The following CEP83 variants were observed in gnomAD, a reference collection of about 807,000 sequenced individuals.
CEP83 encodes centrosomal protein 83, also known as centrosomal protein of 83 kDa.
Under a neutral mutation model 101.9 loss-of-function variants are expected in CEP83, and 70 were observed. That is an observed-to-expected ratio of 0.69 (90% CI 0.57 to 0.84). The LOEUF (loss-of-function observed/expected upper bound fraction) is 0.84, where lower values mean the gene tolerates loss of function less well. Among genes scored for constraint, CEP83 ranks in the 40% least tolerant of loss-of-function variants. CEP83 has a pLI of 0.00. For synonymous variants in CEP83, 264 were observed against 267.9 expected (o/e 0.99, Z 0.14); for missense variants, 715 against 787.2 (o/e 0.91, Z 1.10).
chr12:94,316,487 G>GGTTTGTTTTATAGGTAAACTCATGTGCAA (rs1970713574), intron 14 of CEP83, among the ~76,000 whole-genome samples: 4 of 152,028 alleles, frequency 2.6e-5, no homozygotes, highest in Admixed American at 1.3e-4. Flanking sequence ...TACATGTGCA[G>GGTTTGTTTTATAGGTAAACTCATGTGCAA]GTTTGTTTTA....
intron 14 of CEP83, among the ~76,000 whole-genome samples, chr12:94,316,966 T>C (rs573017197): frequency 2.0e-5 from 3 of 152,244 alleles, no homozygotes; most frequent in South Asian, 2.1e-4. Flanking sequence ...GGTCCAATGG[T>C]AGTTGTTTCT....
At position 94,400,957 on chromosome 12, in the gene CEP83, A is replaced by G; in HGVS notation, c.442T>C (p.Tyr148His). The G allele has an allele frequency of 1.4e-6, 2 of 1,429,564 alleles. No homozygotes were observed. The highest frequency in any genetic ancestry group is 1.8e-6 in the Non-Finnish European group (2 of 1,085,942). The allele number at this position is 1,429,564 out of a possible 1,614,324, so 88.6% of individuals were successfully genotyped here. A position where few individuals can be genotyped will look rare whatever the true frequency, so the allele number is the denominator to read the frequency against. The part of the protein sequence containing the change: ...DEEVEKYRAV[Y>H]NKLRYEHTFL... ...GTATGTTCATAGCGAAGCTTATTAT[A>G]TACAGCTCTATACTTTTCTACCTCC... Residue 148 changes from tyrosine to histidine, a missense_variant, in exon 6 of 17, where the codon TAT becomes CAT. Tyr to His is a moderately conservative substitution (Grantham distance 83, BLOSUM62 2). Transcript: ENST00000397809.
At chr12:94,268,681 G>A in the CEP83 span, among the ~76,000 whole-genome samples, 2 of 137,100 alleles carry the variant, frequency 1.5e-5, no homozygotes, top group African/African-American at 5.5e-5. Flanking sequence ...TGCAACCTCC[G>A]CCTCTGGGGT....
At chr12:94,424,451 G>T in intron 2 of CEP83, 1 of 1,614,028 alleles carries the variant, frequency 6.2e-7, no homozygotes, top group East Asian at 2.2e-5. Flanking sequence ...ACCTCTGCTG[G>T]TCCCACTGGT....
At chr12:94,320,123 T>C (rs1593127163) in intron 14 of CEP83, among the ~76,000 whole-genome samples, 1 of 152,228 alleles carries the variant, frequency 6.6e-6, no homozygotes, top group Admixed American at 6.5e-5. Flanking sequence ...TTTTTGATTT[T>C]TGTTGGTTTA....
At chr12:94,306,290 AAT>A (rs1039121574), downstream of CEP83, 86 of 152,058 alleles carry the variant, frequency 5.7e-4, no homozygotes, top group African/African-American at 1.9e-3. Context: ...ATTATATATA[AAT>A]ATATATATTT....
At chr12:94,455,319 A>G (rs2067585158) in intron 1 of CEP83, among the ~76,000 whole-genome samples, 1 of 152,222 alleles carries the variant, frequency 6.6e-6, no homozygotes, top group Non-Finnish European at 1.5e-5. Context: ...GAGATAGGCA[A>G]TGCAACTTCA....
At chr12:94,365,342 T>C (rs2060968963) in intron 11 of CEP83, among the ~76,000 whole-genome samples, 1 of 152,202 alleles carries the variant, frequency 6.6e-6, no homozygotes, top group Non-Finnish European at 1.5e-5. Context: ...GGATGGAAAT[T>C]TGGCAATATC....
chr12:94,305,499 G>A (rs1968913413), downstream of CEP83: 1 of 469,624 alleles, frequency 2.1e-6, no homozygotes, highest in Non-Finnish European at 3.8e-6. Flanking sequence ...TCTGTAAATA[G>A]AGTTGAAGTG....
intron 1 of CEP83, among the ~76,000 whole-genome samples, chr12:94,440,030 A>C (rs73218275): frequency 2.0e-5 from 3 of 152,166 alleles, no homozygotes; most frequent in Non-Finnish European, 4.4e-5. Flanking sequence ...TAGAAGGGAC[A>C]TACCTTAAGA....
chr12:94,423,124 G>A (rs978015259), intron 2 of CEP83, among the ~76,000 whole-genome samples: 1 of 151,076 alleles, frequency 6.6e-6, no homozygotes, highest in African/African-American at 2.4e-5. Context: ...CACTCTTGTT[G>A]CCCAGGCTGG....
intron 4 of CEP83, among the ~76,000 whole-genome samples, chr12:94,408,754 T>C (rs1455311139): frequency 6.6e-6 from 1 of 152,014 alleles, no homozygotes; most frequent in East Asian, 1.9e-4. Flanking sequence ...TAACTTATTT[T>C]ACTTTACTTT....
At chr12:94,345,679 C>T (rs2059903367) in intron 11 of CEP83, among the ~76,000 whole-genome samples, 2 of 152,142 alleles carry the variant, frequency 1.3e-5, no homozygotes, top group African/African-American at 4.8e-5. Flanking sequence ...GTCATAAGAC[C>T]CGCATTTCTG....
intron 1 of CEP83, among the ~76,000 whole-genome samples, chr12:94,453,303 T>C (rs529921778): frequency 1.2e-4 from 19 of 152,318 alleles, no homozygotes; most frequent in African/African-American, 3.6e-4. Context: ...ACTTCAAGAA[T>C]TGTTTTCCTA....
the CEP83 span, chr12:94,294,624 C>G: frequency 1.5e-6 from 1 of 650,596 alleles, no homozygotes; most frequent in Non-Finnish European, 2.8e-6. Context: ...TGTATTGTCA[C>G]AAAGGTGAGA....
Position 94,320,164 on chromosome 12 carries a change from C to T in CEP83, c.1708-7147G>A, listed in dbSNP as rs182715329. On this transcript the variant is annotated intron_variant, in intron 14 of 16. Coordinates refer to ENST00000397809, the MANE Select transcript of CEP83 (RefSeq NM_016122.3). ...TTTTGTCTGAAACTAGGATTGCAAC[C>T]CTGGCATTTTTCTGATTTCCATTTG... 3.3e-5 allele frequency among the ~76,000 whole-genome samples: 5 copies of T among 152,136 alleles called. No homozygotes were observed. The East Asian group carries it at 9.7e-4, about 29-fold the overall frequency.
chr12:94,290,202 A>G, the CEP83 span, among the ~76,000 whole-genome samples: 5 of 152,252 alleles, frequency 3.3e-5, no homozygotes, highest in East Asian at 9.6e-4. Flanking sequence ...TTTTATAAAA[A>G]GATATTTATT....
At chr12:94,270,323 T>C in the CEP83 span, among the ~76,000 whole-genome samples, 1 of 152,246 alleles carries the variant, frequency 6.6e-6, no homozygotes, top group Non-Finnish European at 1.5e-5. Context: ...TATAGCTGCT[T>C]TCCTGCTACA....
chr12:94,357,623 A>C (rs2060542676), intron 11 of CEP83, among the ~76,000 whole-genome samples: 1 of 152,178 alleles, frequency 6.6e-6, no homozygotes, highest in Non-Finnish European at 1.5e-5. Context: ...TCCACAGTAG[A>C]TTTATGCTGC....
Sources: allele counts gnomAD v4.1 joint callset (sites outside exome capture counted in the v4.1 genomes callset), GRCh38; gene constraint gnomAD v4.1.1; transcripts MANE v1.5; gene names NCBI Gene and HGNC (gene_info 2026-07-23, HGNC 2026-07-21).